UCHL3: variants seen among roughly 807,000 people sequenced by gnomAD.
The protein encoded by UCHL3 is ubiquitin carboxyl-terminal hydrolase isozyme L3.
A neutral mutation model predicts 35.8 loss-of-function variants in UCHL3; 22 were observed. The observed-to-expected ratio is 0.61, with a 90% confidence interval of 0.44 to 0.88. The LOEUF (loss-of-function observed/expected upper bound fraction) is 0.88, where lower values mean the gene tolerates loss of function less well. Among genes scored for constraint, UCHL3 ranks in the 40% least tolerant of loss-of-function variants. The pLI is 0.00. For synonymous variants in UCHL3, 90 were observed against 92.8 expected, an observed-to-expected ratio of 0.97 and a Z score of 0.17; for missense variants, 229 against 276.9, an observed-to-expected ratio of 0.83 and a Z score of 1.23.
At chr13:75,589,289 A>G (rs2032411913) in intron 6 of UCHL3, among the ~76,000 whole-genome samples, 1 of 152,170 alleles carries the variant, frequency 6.6e-6, no homozygotes, top group Admixed American at 6.5e-5. Context: ...AAATGAACCT[A>G]TATATGTCAA....
chr13:75,571,940 C>T (rs1225720773), intron 6 of UCHL3, among the ~76,000 whole-genome samples: 1 of 150,138 alleles, frequency 6.7e-6, no homozygotes, highest in Non-Finnish European at 1.5e-5. Flanking sequence ...CAGTTTCAGG[C>T]TCTTTAACCC....
At chr13:75,585,193 C>A (rs952788929) in intron 6 of UCHL3, among the ~76,000 whole-genome samples, 2 of 151,982 alleles carry the variant, frequency 1.3e-5, no homozygotes, top group Admixed American at 1.3e-4. Flanking sequence ...AGGATGAATA[C>A]CCTTATCCTC....
chr13:75,587,038 G>C (rs866298461), intron 6 of UCHL3, among the ~76,000 whole-genome samples: 2 of 132,908 alleles, frequency 1.5e-5, no homozygotes, highest in African/African-American at 5.5e-5. Flanking sequence ...AAAAAAAAGA[G>C]CAAATTAAAT....
Position 75,549,859 on chromosome 13 carries a change from C to T in UCHL3, c.39C>T (p.Pro13=), listed in dbSNP as rs781342676. The T allele has an allele frequency of 8.7e-6, 14 of 1,608,598 alleles. No individual in the cohort carries two copies. Among genetic ancestry groups the T allele is most frequent in the Non-Finnish European group, 1.2e-5 (14 of 1,177,270 alleles). ...GCTGGCTGCCGCTGGAGGCCAATCCCGAGGTGGGCGCGCTTCGGGGCAGCC... is the reference window on the plus strand; with the variant it reads ...GCTGGCTGCCGCTGGAGGCCAATCCTGAGGTGGGCGCGCTTCGGGGCAGCC... ...GQRWLPLEAN[P]EVTNQFLKQL... is the part of the protein sequence containing the mutation. The change falls in exon 1 of 9, where the codon CCC becomes CCT. Residue 13 remains proline, a synonymous_variant. Coordinates refer to ENST00000377595, the MANE Select transcript of UCHL3 (RefSeq NM_006002.5).
chr13:75,571,163 C>T (rs540729507), intron 6 of UCHL3, among the ~76,000 whole-genome samples: 15 of 152,038 alleles, frequency 9.9e-5, no homozygotes, highest in Non-Finnish European at 1.3e-4. Flanking sequence ...TGAGGATCAG[C>T]GTAAGTTTAT....
At chr13:75,569,394 G>T in intron 5 of UCHL3, 66 bp from the exon 6 acceptor site, 1 of 1,317,426 alleles carries the variant, frequency 7.6e-7, no homozygotes, top group Non-Finnish European at 1.1e-6. Context: ...ATTTAGCTTT[G>T]TTGTCTTCAT....
chr13:75,569,595 G>T, intron 6 of UCHL3, 88 bp downstream of exon 6: 1 of 1,245,624 alleles, frequency 8.0e-7, no homozygotes, highest in Non-Finnish European at 1.1e-6. Flanking sequence ...ATTATTGTAG[G>T]ACATAAAGTT....
intron 6 of UCHL3, among the ~76,000 whole-genome samples, chr13:75,590,960 T>C (rs1044115417): frequency 6.6e-6 from 1 of 152,232 alleles, no homozygotes; most frequent in Non-Finnish European, 1.5e-5. Context: ...TCTGATGTTT[T>C]GGACTATTAA....
At chr13:75,594,446 G>A (rs1424226518) in intron 6 of UCHL3, among the ~76,000 whole-genome samples, 1 of 152,180 alleles carries the variant, frequency 6.6e-6, no homozygotes, top group Non-Finnish European at 1.5e-5. Context: ...TCAAGTTCAA[G>A]TCTTTAAGGG....
At chr13:75,599,229 C>T (rs923407557) in intron 7 of UCHL3, among the ~76,000 whole-genome samples, 3 of 150,640 alleles carry the variant, frequency 2.0e-5, no homozygotes, top group Non-Finnish European at 4.4e-5. Context: ...CTTTAGCCTT[C>T]CAAAGTGCTG....
chr13:75,586,755 A>G lies in UCHL3; in HGVS notation c.475-8160A>G, dbSNP rs79473030. Among the ~76,000 whole-genome samples, 794 of 152,160 alleles carry G rather than the reference A, an allele frequency of 5.2e-3. 9 individuals carry two copies. The highest frequency in any genetic ancestry group is 0.018 in the African/African-American group (762 of 41,566). On this transcript the variant is annotated intron_variant, in intron 6 of 8. Coordinates refer to ENST00000377595, the MANE Select transcript of UCHL3 (RefSeq NM_006002.5). The stretch of plus-strand genomic sequence containing the variant: ...AATCCCCCAAATATTTAGATATTCA[A>G]TAGTACACTTCTAAATAATTCATGG...
At position 75,569,450 on chromosome 13, in the gene UCHL3, C is replaced by A; in HGVS notation, c.427-10C>A. The A allele has an allele frequency of 6.2e-7, 1 of 1,602,524 alleles. No homozygotes were observed. The highest frequency in any genetic ancestry group is 8.5e-7 in the Non-Finnish European group (1 of 1,176,006). ...ATTTTTTCCAATGAATACCTTTATT[C>A]TTATTACAGGCCATCCGAGTTACTC... is the stretch of plus-strand genomic sequence containing the variant. On this transcript the variant is annotated splice_polypyrimidine_tract_variant and intron_variant, in intron 5 of 8. Coordinates refer to ENST00000377595, the MANE Select transcript of UCHL3 (RefSeq NM_006002.5).
At chr13:75,592,446 A>ATACATATATATATATATGTATATATG (rs36133915) in intron 6 of UCHL3, among the ~76,000 whole-genome samples, 7,341 of 71,002 alleles carry the variant, frequency 0.1, 878 homozygotes, top group East Asian at 0.44. Flanking sequence ...ATATATATAT[A>ATACATATATATATATATGTATATATG]TATATATATA....
intron 2 of UCHL3, among the ~76,000 whole-genome samples, chr13:75,556,270 T>G (rs577341082): frequency 6.6e-6 from 1 of 152,236 alleles, no homozygotes; most frequent in Non-Finnish European, 1.5e-5. Context: ...TGTTTCCTCA[T>G]TATGTACTTT....
chr13:75,588,757 C>T (rs369304549), intron 6 of UCHL3, among the ~76,000 whole-genome samples: 22 of 152,162 alleles, frequency 1.4e-4, no homozygotes, highest in Admixed American at 3.3e-4. Flanking sequence ...ATGGTTGTTA[C>T]GGTTAGCAAA....
intron 7 of UCHL3, among the ~76,000 whole-genome samples, chr13:75,598,575 A>G (rs2032700975): frequency 1.3e-5 from 2 of 152,172 alleles, no homozygotes; most frequent in South Asian, 2.1e-4. Context: ...GTATAGGGCC[A>G]GTTACTTTGA....
At chr13:75,594,310 C>T (rs1382632670) in intron 6 of UCHL3, among the ~76,000 whole-genome samples, 1 of 152,078 alleles carries the variant, frequency 6.6e-6, no homozygotes, top group African/African-American at 2.4e-5. Flanking sequence ...TCTTTTTTCC[C>T]TTCCTTTTAA....
intron 6 of UCHL3, among the ~76,000 whole-genome samples, chr13:75,592,453 T>TACATATATAC (rs1566228194): frequency 9.8e-6 from 1 of 102,186 alleles, no homozygotes; most frequent in Non-Finnish European, 2.2e-5. Context: ...TATATATATA[T>TACATATATAC]ATATATATAT....
chr13:75,569,406 T>A, intron 5 of UCHL3, 54 bp from the exon 6 acceptor site: 1 of 1,447,758 alleles, frequency 6.9e-7, no homozygotes, highest in Non-Finnish European at 9.4e-7. Flanking sequence ...TGTCTTCATT[T>A]AAAAAGTTGA....
Sources: allele counts gnomAD v4.1 joint callset (sites outside exome capture counted in the v4.1 genomes callset), GRCh38; gene constraint gnomAD v4.1.1; transcripts MANE v1.5; gene names NCBI Gene and HGNC (gene_info 2026-07-23, HGNC 2026-07-21).